The following INPP4B variants were observed in gnomAD, a reference collection of about 807,000 sequenced individuals.
The protein encoded by INPP4B is inositol polyphosphate-4-phosphatase type II B.
INPP4B carries 55 observed loss-of-function variants against 122.5 expected under a neutral mutation model. The ratio of observed to expected loss-of-function variants is 0.45; its 90% CI spans 0.36 to 0.56. INPP4B has a LOEUF of 0.56. Among genes scored for constraint, INPP4B ranks in the 20% least tolerant of loss-of-function variants. INPP4B has a pLI of 0.00. For synonymous variants in INPP4B, 403 were observed against 388.7 expected (o/e 1.04, Z -0.43); for missense variants, 1,000 against 1,097.7 (o/e 0.91, Z 1.26).
At position 142,270,750 on chromosome 4, in the gene INPP4B, A is replaced by G; in HGVS notation, c.528T>C (p.Val176=). Reference sequence around the variant, plus strand: ...TCACGACACTGACTTCTATGGTGCCAACCACTTTGCCACCATCTGAAGTTC... The same window carrying G: ...TCACGACACTGACTTCTATGGTGCCGACCACTTTGCCACCATCTGAAGTTC... The part of the protein sequence containing the change: ...SLRTSDGGKV[V]GTIEVSVVKM... The change falls in exon 10 of 26, where the codon GTT becomes GTC. Residue 176 remains valine (V), a synonymous_variant. Transcript: ENST00000262992. 1 of 1,613,846 alleles carries G rather than the reference A, an allele frequency of 6.2e-7. No individual in the cohort carries two copies. The highest frequency in any genetic ancestry group is 8.5e-7 in the Non-Finnish European group (1 of 1,179,788).
intron 25 of INPP4B, among the ~76,000 whole-genome samples, chr4:142,040,653 A>T (rs1000996286): frequency 2.6e-5 from 4 of 152,178 alleles, no homozygotes; most frequent in Non-Finnish European, 5.9e-5. Flanking sequence ...ATAGATCTAG[A>T]ACTCGTTTTC....
At chr4:142,160,707 C>A (rs1819684369) in intron 16 of INPP4B, 146 bp from the exon 17 acceptor site, 3 of 549,638 alleles carry the variant, frequency 5.5e-6, no homozygotes, top group South Asian at 3.3e-5. Flanking sequence ...ATGATTCATA[C>A]CAATCAATGG....
At chr4:142,362,759 C>T (rs986911958) in intron 7 of INPP4B, among the ~76,000 whole-genome samples, 3 of 151,998 alleles carry the variant, frequency 2.0e-5, no homozygotes, top group Non-Finnish European at 2.9e-5. Flanking sequence ...ATCACATGTT[C>T]TCACTCATAA....
At chr4:142,093,596 A>G (rs1014144397) in intron 23 of INPP4B, among the ~76,000 whole-genome samples, 1 of 152,228 alleles carries the variant, frequency 6.6e-6, no homozygotes, top group Non-Finnish European at 1.5e-5. Flanking sequence ...TAAAATAATT[A>G]TAGTTAACTG....
chr4:142,503,528 CA>C (rs2149830676), intron 2 of INPP4B, among the ~76,000 whole-genome samples: 1 of 151,962 alleles, frequency 6.6e-6, no homozygotes, highest in African/African-American at 2.4e-5. Flanking sequence ...ATATCTAAAC[CA>C]AATAAGAAGG....
intron 1 of INPP4B, among the ~76,000 whole-genome samples, chr4:142,736,671 T>C (rs139215676): frequency 6.6e-6 from 1 of 152,216 alleles, no homozygotes; most frequent in Non-Finnish European, 1.5e-5. Context: ...TTTGCTGAAG[T>C]TGCTTATCAG....
In INPP4B at chr4:142,629,824, A is replaced by T. The variant is rs192884760; in HGVS notation, c.-191+96015T>A. Reference sequence around the variant, plus strand: ...CTCTGCCCAATTGCCCTTCACCTGCATGCCTCTTCTTCCGAGGCTAGCATC... The same window carrying T: ...CTCTGCCCAATTGCCCTTCACCTGCTTGCCTCTTCTTCCGAGGCTAGCATC... On this transcript the variant is annotated intron_variant, in intron 2 of 25. Coordinates refer to ENST00000262992, the MANE Select transcript of INPP4B (RefSeq NM_001101669.3). Among the ~76,000 whole-genome samples, 242 of 152,228 alleles carry T rather than the reference A, an allele frequency of 1.6e-3. 1 individual carries two copies. Among genetic ancestry groups the T allele is most frequent in the African/African-American group, 5.7e-3 (237 of 41,562 alleles).
At chr4:142,741,962 A>G (rs945809223) in intron 1 of INPP4B, among the ~76,000 whole-genome samples, 3 of 151,960 alleles carry the variant, frequency 2.0e-5, no homozygotes, top group African/African-American at 7.2e-5. Context: ...CCATAATTAA[A>G]TATTTGGGTT....
intron 2 of INPP4B, among the ~76,000 whole-genome samples, chr4:142,620,677 T>C (rs1744715956): frequency 6.6e-6 from 1 of 151,960 alleles, no homozygotes; most frequent in Non-Finnish European, 1.5e-5. Flanking sequence ...AAAATAAAGA[T>C]ATGAGTATTA....
At chr4:142,193,847 T>A (rs1176436665) in intron 14 of INPP4B, among the ~76,000 whole-genome samples, 1 of 152,156 alleles carries the variant, frequency 6.6e-6, no homozygotes. Flanking sequence ...TGAAACTTAA[T>A]CCTTTGATCT....
intron 23 of INPP4B, among the ~76,000 whole-genome samples, chr4:142,092,895 T>C (rs1254342322): frequency 6.6e-6 from 1 of 152,168 alleles, no homozygotes; most frequent in East Asian, 1.9e-4. Flanking sequence ...GTTTAAAACA[T>C]AGTTCTACAT....
chr4:142,779,121 C>T (rs926872443), intron 1 of INPP4B, among the ~76,000 whole-genome samples: 2 of 151,928 alleles, frequency 1.3e-5, no homozygotes, highest in East Asian at 1.9e-4. Flanking sequence ...CCTACAACCC[C>T]GTCCAACTCA....
At chr4:142,381,245 T>A (rs770885855) in intron 7 of INPP4B, among the ~76,000 whole-genome samples, 1 of 152,164 alleles carries the variant, frequency 6.6e-6, no homozygotes, top group Non-Finnish European at 1.5e-5. Context: ...TTTTCTCACA[T>A]CCTGCCAGCA....
At chr4:142,160,207 TG>T in intron 17 of INPP4B, 150 bp downstream of exon 17, 1 of 460,810 alleles carries the variant, frequency 2.2e-6, no homozygotes. Flanking sequence ...AAAAAAAAAT[TG>T]CCCCTAAGGA....
At chr4:142,132,289 A>T (rs1238784246) in intron 18 of INPP4B, among the ~76,000 whole-genome samples, 1 of 151,484 alleles carries the variant, frequency 6.6e-6, no homozygotes, top group Non-Finnish European at 1.5e-5. Flanking sequence ...TCTTGGAGAG[A>T]GCAGAGGCAA....
At chr4:142,425,477 C>G (rs17659037) in intron 5 of INPP4B, among the ~76,000 whole-genome samples, 3,598 of 151,940 alleles carry the variant, frequency 0.024, 73 homozygotes, top group Non-Finnish European at 0.035. Flanking sequence ...CATTCCTGGT[C>G]AAATCACTAA....
At position 142,736,322 on chromosome 4, in the gene INPP4B, A is replaced by AT. The variant is rs200973863; in HGVS notation, c.-253-10422dup. On this transcript the variant is annotated intron_variant, in intron 1 of 25. Transcript: ENST00000262992. Reference sequence around the variant, plus strand: ...AATTTCTATGAAACTTGCTCTTGTAATTTTTTTTTACCACTAAGTGTTCTA... The same window carrying AT: ...AATTTCTATGAAACTTGCTCTTGTAATTTTTTTTTTACCACTAAGTGTTCTA... 6.5e-4 allele frequency among the ~76,000 whole-genome samples: 98 copies of AT among 151,690 alleles called. No homozygotes were observed. The Middle Eastern group carries it at 0.017, about 26-fold the overall frequency.
intron 1 of INPP4B, among the ~76,000 whole-genome samples, chr4:142,797,423 G>C (rs1407059976): frequency 6.6e-6 from 1 of 151,900 alleles, no homozygotes; most frequent in South Asian, 2.1e-4. Flanking sequence ...GGAAGATAAA[G>C]TCAAAGAATT....
chr4:142,260,634 T>C, intron 10 of INPP4B, 70 bp from the exon 11 acceptor site: 1 of 1,052,462 alleles, frequency 9.5e-7, no homozygotes, highest in Admixed American at 2.4e-5. Flanking sequence ...ATTATTTTAT[T>C]TGCAAAACAT....
Sources: allele counts gnomAD v4.1 joint callset (sites outside exome capture counted in the v4.1 genomes callset), GRCh38; gene constraint gnomAD v4.1.1; transcripts MANE v1.5; gene names NCBI Gene and HGNC (gene_info 2026-07-23, HGNC 2026-07-21).